XYLT1: variants seen among roughly 807,000 people sequenced by gnomAD.
The protein encoded by XYLT1 is beta-D-xylosyltransferase 1.
Under a neutral mutation model 91.3 loss-of-function variants are expected in XYLT1, and 36 were observed. The ratio of observed to expected loss-of-function variants is 0.39; its 90% CI spans 0.30 to 0.52. The LOEUF (loss-of-function observed/expected upper bound fraction) is 0.52, where lower values mean the gene tolerates loss of function less well. XYLT1 is among the 20% of genes least tolerant of loss of function. XYLT1 has a pLI of 0.68. For synonymous variants in XYLT1, 588 were observed against 532.0 expected (o/e 1.11, Z -1.45); for missense variants, 1,242 against 1,284.5 (o/e 0.97, Z 0.51).
At chr16:17,419,258 C>T (rs1038122288) in intron 1 of XYLT1, among the ~76,000 whole-genome samples, 1 of 151,932 alleles carries the variant, frequency 6.6e-6, no homozygotes, top group Admixed American at 6.6e-5. Context: ...GGAAGGCTCG[C>T]TTGAGACCTG....
At chr16:17,124,801 T>A (rs577699986) in intron 10 of XYLT1, among the ~76,000 whole-genome samples, 866 of 23,126 alleles carry the variant, frequency 0.037, 10 homozygotes, top group African/African-American at 0.076. Flanking sequence ...TTAAAAATTC[T>A]TTTTTGTGTT....
intron 5 of XYLT1, among the ~76,000 whole-genome samples, chr16:17,178,931 T>C (rs1197078575): frequency 2.0e-5 from 3 of 152,022 alleles, no homozygotes; most frequent in Non-Finnish European, 4.4e-5. Flanking sequence ...TATCCAAGTG[T>C]GGTGACATGA....
At chr16:17,198,111 G>A (rs1047066980) in intron 5 of XYLT1, 101 bp downstream of exon 5, 3 of 1,226,338 alleles carry the variant, frequency 2.4e-6, no homozygotes, top group African/African-American at 1.5e-5. Flanking sequence ...CGATCCTGTG[G>A]AGACTATGCA....
chr16:17,377,562 C>A (rs1044416108), intron 1 of XYLT1, among the ~76,000 whole-genome samples: 1 of 152,052 alleles, frequency 6.6e-6, no homozygotes, highest in Non-Finnish European at 1.5e-5. Flanking sequence ...CCACCCCTGC[C>A]CAACAAACAC....
chr16:17,200,197 G>A (rs2032508993), intron 4 of XYLT1, among the ~76,000 whole-genome samples: 1 of 149,688 alleles, frequency 6.7e-6, no homozygotes, highest in African/African-American at 2.5e-5. Flanking sequence ...CTCCAGCCTG[G>A]TGACTGAGCG....
At chr16:17,130,420 C>T (rs1396522494) in intron 9 of XYLT1, among the ~76,000 whole-genome samples, 1 of 152,052 alleles carries the variant, frequency 6.6e-6, no homozygotes, top group Non-Finnish European at 1.5e-5. Flanking sequence ...AGAGTGTTTC[C>T]AGAAAGCAGC....
At chr16:17,317,063 C>A (rs957109354) in intron 2 of XYLT1, among the ~76,000 whole-genome samples, 15 of 151,540 alleles carry the variant, frequency 9.9e-5, no homozygotes, top group African/African-American at 3.6e-4. Context: ...ACCTCGTGAT[C>A]CGCCCGCCTC....
At chr16:17,446,908 G>A (rs1333098620) in intron 1 of XYLT1, among the ~76,000 whole-genome samples, 2 of 150,614 alleles carry the variant, frequency 1.3e-5, no homozygotes, top group Non-Finnish European at 2.9e-5. Flanking sequence ...CAAACTCGCT[G>A]AACCAGACCC....
intron 5 of XYLT1, among the ~76,000 whole-genome samples, chr16:17,161,402 T>C (rs2031546828): frequency 1.3e-5 from 2 of 152,040 alleles, no homozygotes; most frequent in African/African-American, 2.4e-5. Flanking sequence ...TCCTGATGGA[T>C]TGTCTGGAAG....
rs369216955 is a variant in XYLT1 at position 17,117,825 on chromosome 16, G to A, written c.2378C>T (p.Ala793Val). Reference protein sequence around the residue: ...IWVDPVNVIAATYDILIESTA... With the variant: ...IWVDPVNVIAVTYDILIESTA... The stretch of plus-strand genomic sequence containing the variant: ...GGACTCAATGAGGATGTCGTAGGTG[G>A]CTGCGATGACATTGACGGGATCCAC... Residue 793 changes from alanine (A) to valine (V), a missense_variant, in exon 11 of 12, where the codon GCC becomes GTC. By Grantham distance (64) the Ala-to-Val change is moderately conservative. Transcript: ENST00000261381. 19 of 1,614,016 alleles carry A rather than the reference G, an allele frequency of 1.2e-5. No homozygotes were observed. In the East Asian group the frequency reaches 1.6e-4, roughly 13 times the overall value.
intron 3 of XYLT1, 46 bp from the exon 4 acceptor site, chr16:17,200,700 C>T (rs2141589753): frequency 6.3e-7 from 1 of 1,593,470 alleles, no homozygotes; most frequent in Non-Finnish European, 8.6e-7. Context: ...GAGGCTCTGC[C>T]ATCCTTTGCA....
intron 5 of XYLT1, among the ~76,000 whole-genome samples, chr16:17,174,710 T>C (rs1281660692): frequency 2.6e-5 from 4 of 152,218 alleles, no homozygotes; most frequent in African/African-American, 9.6e-5. Flanking sequence ...ATTATGCTCA[T>C]ATACCATTGT....
At chr16:17,366,695 AAAACAAAC>A (rs761644779) in intron 1 of XYLT1, among the ~76,000 whole-genome samples, 2 of 152,266 alleles carry the variant, frequency 1.3e-5, no homozygotes, top group South Asian at 4.1e-4. Context: ...ACCGTGTCTT[AAAACAAAC>A]AAACAAACAA....
At chr16:17,299,477 T>C (rs2034362128) in intron 2 of XYLT1, among the ~76,000 whole-genome samples, 1 of 152,222 alleles carries the variant, frequency 6.6e-6, no homozygotes, top group African/African-American at 2.4e-5. Flanking sequence ...CCATTGAGTT[T>C]AATTACTCAG....
intron 3 of XYLT1, among the ~76,000 whole-genome samples, chr16:17,216,138 T>C (rs1222763640): frequency 1.3e-5 from 2 of 152,216 alleles, no homozygotes; most frequent in African/African-American, 4.8e-5. Context: ...CAAGTTCTCC[T>C]ACGAGCCTTC....
chr16:17,353,578 C>T (rs888757856), intron 2 of XYLT1, among the ~76,000 whole-genome samples: 1 of 152,100 alleles, frequency 6.6e-6, no homozygotes, highest in Non-Finnish European at 1.5e-5. Flanking sequence ...ACCATTTTAC[C>T]CCCAAGCCCT....
intron 1 of XYLT1, among the ~76,000 whole-genome samples, chr16:17,368,854 A>G (rs2035489378): frequency 6.6e-6 from 1 of 152,012 alleles, no homozygotes; most frequent in African/African-American, 2.4e-5. Flanking sequence ...GAATTGCTGG[A>G]ATTGCAGGCA....
intron 3 of XYLT1, among the ~76,000 whole-genome samples, chr16:17,209,892 T>C (rs758721604): frequency 3.3e-5 from 5 of 152,158 alleles, no homozygotes; most frequent in Non-Finnish European, 5.9e-5. Context: ...TGTGGTTTTG[T>C]TTTTGTCTTT....
chr16:17,138,066 G>GC, intron 8 of XYLT1, among the ~76,000 whole-genome samples: 1 of 152,042 alleles, frequency 6.6e-6, no homozygotes, highest in East Asian at 1.9e-4. Context: ...CCTTTGGAAA[G>GC]TTTTTTTTAA....
Sources: allele counts gnomAD v4.1 joint callset (sites outside exome capture counted in the v4.1 genomes callset), GRCh38; gene constraint gnomAD v4.1.1; transcripts MANE v1.5; gene names NCBI Gene and HGNC (gene_info 2026-07-23, HGNC 2026-07-21).